The following NREP variants were observed in gnomAD, a reference collection of about 807,000 sequenced individuals.
NREP encodes the protein neuronal regeneration-related protein.
A neutral mutation model predicts 8.6 loss-of-function variants in NREP; 5 were observed. That is an observed-to-expected ratio of 0.58 (90% confidence interval 0.30 to 1.22). The LOEUF (loss-of-function observed/expected upper bound fraction) is 1.22, where lower values mean the gene tolerates loss of function less well. Ranked by LOEUF, NREP falls within the 50% of genes most tolerant of loss-of-function variation. The probability of loss-of-function intolerance (pLI) is 0.07; values close to 1 mark genes in which losing one functional copy is unlikely to be tolerated. For missense variants in NREP, 86 were observed against 82.5 expected (o/e 1.04, Z -0.17); for synonymous variants, 27 against 28.0 (o/e 0.96, Z 0.11).
At chr5:111,954,747 G>A (rs1756262227) in intron 2 of NREP, among the ~76,000 whole-genome samples, 1 of 152,126 alleles carries the variant, frequency 6.6e-6, no homozygotes, top group Non-Finnish European at 1.5e-5. Context: ...AGTGAGGACA[G>A]TGACTTAAAA....
At chr5:111,939,586 C>T (rs376423992) in intron 2 of NREP, among the ~76,000 whole-genome samples, 34 of 152,160 alleles carry the variant, frequency 2.2e-4, no homozygotes, top group African/African-American at 7.0e-4. Flanking sequence ...AGTTGCCGCA[C>T]GTGCAAGTGC....
downstream of NREP, chr5:111,729,193 C>A (rs1288022237): frequency 1.3e-5 from 2 of 152,124 alleles, no homozygotes; most frequent in Non-Finnish European, 2.9e-5. Context: ...TTGATATTTG[C>A]CCTTGGGTTT....
intron 2 of NREP, among the ~76,000 whole-genome samples, chr5:111,746,436 C>T (rs1750010659): frequency 6.6e-6 from 1 of 151,998 alleles, no homozygotes; most frequent in East Asian, 1.9e-4. Flanking sequence ...GAAATGGAGA[C>T]TCAGTTCTGG....
chr5:111,909,217 T>C (rs1055372204), intron 2 of NREP, among the ~76,000 whole-genome samples: 1 of 151,966 alleles, frequency 6.6e-6, no homozygotes, highest in Non-Finnish European at 1.5e-5. Flanking sequence ...CCATAAGAGA[T>C]AATTAAGTTG....
intron 2 of NREP, among the ~76,000 whole-genome samples, chr5:111,899,448 T>A (rs1215739522): frequency 6.6e-6 from 1 of 151,998 alleles, no homozygotes; most frequent in East Asian, 1.9e-4. Context: ...TAGGAATTCA[T>A]GACCGCAGTG....
At chr5:111,955,166 GT>G (rs1305651759) in intron 2 of NREP, among the ~76,000 whole-genome samples, 1 of 152,038 alleles carries the variant, frequency 6.6e-6, no homozygotes, top group Non-Finnish European at 1.5e-5. Flanking sequence ...TAAGTAAAAG[GT>G]TATGGTGAGA....
intron 2 of NREP, among the ~76,000 whole-genome samples, chr5:111,786,290 T>G (rs910553235): frequency 3.3e-5 from 5 of 152,186 alleles, no homozygotes; most frequent in Non-Finnish European, 5.9e-5. Context: ...ATTGTAACTT[T>G]CATGAGGCCT....
intron 2 of NREP, among the ~76,000 whole-genome samples, chr5:111,938,227 C>T (rs1373373428): frequency 6.6e-6 from 1 of 152,070 alleles, no homozygotes; most frequent in Non-Finnish European, 1.5e-5. Context: ...CATTCCCTCA[C>T]TCATAGTTTG....
intron 2 of NREP, among the ~76,000 whole-genome samples, chr5:111,736,031 G>A (rs1201169634): frequency 6.6e-6 from 1 of 152,186 alleles, no homozygotes; most frequent in African/African-American, 2.4e-5. Context: ...TGAGGGAGGG[G>A]CGGGAGATAG....
intron 2 of NREP, among the ~76,000 whole-genome samples, chr5:111,906,105 C>T (rs1182066964): frequency 1.3e-5 from 2 of 151,998 alleles, no homozygotes; most frequent in African/African-American, 2.4e-5. Context: ...TTATGAATTA[C>T]AGAGTTCATT....
At chr5:111,890,430 G>C (rs562494707) in intron 2 of NREP, among the ~76,000 whole-genome samples, 1 of 152,318 alleles carries the variant, frequency 6.6e-6, no homozygotes, top group Admixed American at 6.5e-5. Flanking sequence ...GTTCTGGAGA[G>C]TGGTGGCCCT....
chr5:111,927,071 C>T (rs1755409570), intron 2 of NREP, among the ~76,000 whole-genome samples: 1 of 151,982 alleles, frequency 6.6e-6, no homozygotes, highest in African/African-American at 2.4e-5. Context: ...GGCCAGGCCC[C>T]TCAGTGAAGG....
At chr5:111,943,468 A>G (rs1011592181) in intron 2 of NREP, among the ~76,000 whole-genome samples, 1 of 151,904 alleles carries the variant, frequency 6.6e-6, no homozygotes, top group African/African-American at 2.4e-5. Context: ...TTACTCTTAA[A>G]CCTATATCTC....
chr5:111,735,726 G>A (rs1047010297), intron 2 of NREP, among the ~76,000 whole-genome samples: 4 of 152,210 alleles, frequency 2.6e-5, no homozygotes, highest in African/African-American at 4.8e-5. Context: ...CCAAGATTAA[G>A]TCCAATAAAG....
intron 2 of NREP, among the ~76,000 whole-genome samples, chr5:111,741,407 T>G (rs1404155227): frequency 6.6e-6 from 1 of 151,626 alleles, no homozygotes; most frequent in Non-Finnish European, 1.5e-5. Flanking sequence ...TTTGAGGTGG[T>G]GCTATAAAGA....
chr5:111,741,674 G>T (rs149160370), intron 2 of NREP, among the ~76,000 whole-genome samples: 1 of 152,244 alleles, frequency 6.6e-6, no homozygotes, highest in African/African-American at 2.4e-5. Flanking sequence ...AGACAAAAAG[G>T]TAAGCCTGCA....
intron 2 of NREP, among the ~76,000 whole-genome samples, chr5:111,806,851 G>C (rs536852777): frequency 6.6e-6 from 1 of 152,098 alleles, no homozygotes; most frequent in Non-Finnish European, 1.5e-5. Flanking sequence ...AGAGGGGTAG[G>C]TGAGTGTACT....
intron 2 of NREP, among the ~76,000 whole-genome samples, chr5:111,914,181 T>C (rs917969511): frequency 6.6e-6 from 1 of 152,096 alleles, no homozygotes; most frequent in Non-Finnish European, 1.5e-5. Flanking sequence ...AAAAGTGAAG[T>C]AGAGGTTCCT....
intron 2 of NREP, among the ~76,000 whole-genome samples, chr5:111,849,296 C>T (rs778964091): frequency 1.3e-5 from 2 of 151,854 alleles, no homozygotes; most frequent in African/African-American, 2.4e-5. Flanking sequence ...TTCAGAGGCA[C>T]TAGGGAAAAA....
Sources: gnomAD v4.1 joint callset for allele counts (sites outside exome capture counted in the v4.1 genomes callset) on GRCh38, gnomAD v4.1.1 for gene constraint, MANE v1.5 for transcripts, NCBI Gene and HGNC (gene_info 2026-07-23, HGNC 2026-07-21) for gene names.